NEK11: variants seen among roughly 807,000 people sequenced by gnomAD.
NEK11 encodes the protein serine/threonine-protein kinase Nek11.
In NEK11, 72 loss-of-function variants were observed where a neutral mutation model predicts 80.7. That is an observed-to-expected ratio of 0.89 (90% CI 0.74 to 1.08). The LOEUF (loss-of-function observed/expected upper bound fraction) is 1.08, where lower values mean the gene tolerates loss of function less well. NEK11 is among the 50% of genes least tolerant of loss of function. The pLI, the probability that NEK11 is intolerant of heterozygous loss-of-function variation, is 0.00. For synonymous variants in NEK11, 251 were observed against 260.7 expected (o/e 0.96, Z 0.36); for missense variants, 764 against 763.6 (o/e 1.00, Z -0.01).
chr3:131,068,240 C>G (rs1431510385), intron 3 of NEK11, among the ~76,000 whole-genome samples: 1 of 152,150 alleles, frequency 6.6e-6, no homozygotes, highest in Non-Finnish European at 1.5e-5. Flanking sequence ...CCTTGCTACT[C>G]AAAGTATGGT....
At chr3:131,066,685 T>TA (rs2072034798) in intron 3 of NEK11, among the ~76,000 whole-genome samples, 1 of 151,054 alleles carries the variant, frequency 6.6e-6, no homozygotes, top group African/African-American at 2.4e-5. Context: ...AAAAAATAAA[T>TA]ACAAAAATTA....
At chr3:131,209,506 A>C (rs549577926) in intron 14 of NEK11, among the ~76,000 whole-genome samples, 104 of 152,272 alleles carry the variant, frequency 6.8e-4, no homozygotes, top group African/African-American at 2.2e-3. Context: ...TGAGTTAGGG[A>C]GGATTCCCTC....
At chr3:131,196,411 A>C (rs964816311) in intron 14 of NEK11, among the ~76,000 whole-genome samples, 2 of 152,210 alleles carry the variant, frequency 1.3e-5, no homozygotes, top group African/African-American at 4.8e-5. Flanking sequence ...AAATAATAAA[A>C]GAAGATATTG....
chr3:131,272,241 C>T (rs1166899080), intron 16 of NEK11, among the ~76,000 whole-genome samples: 1 of 152,084 alleles, frequency 6.6e-6, no homozygotes, highest in East Asian at 1.9e-4. Context: ...ACATGAGTCT[C>T]TTCTCTCTGA....
At chr3:131,181,745 C>CAAAAAAAAAAAAAAAAAAAAAAAAAAAA (rs58463955) in intron 14 of NEK11, among the ~76,000 whole-genome samples, 1 of 83,124 alleles carries the variant, frequency 1.2e-5, no homozygotes, top group African/African-American at 5.0e-5. Context: ...GACTCCGCCT[C>CAAAAAAAAAAAAAAAAAAAAAAAAAAAA]AAAAAAAAAA....
intron 3 of NEK11, among the ~76,000 whole-genome samples, chr3:131,073,107 G>T (rs1052384441): frequency 6.6e-6 from 1 of 152,100 alleles, no homozygotes; most frequent in African/African-American, 2.4e-5. Flanking sequence ...CTCTATTCTT[G>T]CACTGACACA....
chr3:131,132,983 T>G (rs1301678049), intron 6 of NEK11, among the ~76,000 whole-genome samples, 174 bp downstream of exon 6: 3 of 152,086 alleles, frequency 2.0e-5, no homozygotes, highest in African/African-American at 7.2e-5. Context: ...TTTCTCAGGT[T>G]TCTAGATGGG....
chr3:131,157,650 A>C (rs747822928), intron 10 of NEK11, among the ~76,000 whole-genome samples: 5 of 152,304 alleles, frequency 3.3e-5, no homozygotes, highest in South Asian at 4.1e-4. Context: ...CACTCCTAAC[A>C]GATCTTCAGA....
intron 7 of NEK11, among the ~76,000 whole-genome samples, chr3:131,146,674 CTTTT>C (rs569998027): frequency 1.3e-5 from 2 of 151,418 alleles, no homozygotes; most frequent in Admixed American, 6.6e-5. Context: ...CCTAAGGAAA[CTTTT>C]TTTTTCATAG....
intron 17 of NEK11, chr3:131,329,788 G>A (rs989493539): frequency 2.0e-5 from 3 of 152,294 alleles, no homozygotes; most frequent in South Asian, 4.1e-4. Flanking sequence ...GGAGCAGGAT[G>A]TGCCTAATGC....
intron 7 of NEK11, among the ~76,000 whole-genome samples, chr3:131,144,399 T>G (rs895661129): frequency 6.6e-6 from 1 of 152,110 alleles, no homozygotes; most frequent in East Asian, 1.9e-4. Context: ...CCACCCCCAA[T>G]CTGCTTTTGT....
intron 17 of NEK11, among the ~76,000 whole-genome samples, chr3:131,348,860 G>A (rs1380122174): frequency 6.6e-6 from 1 of 152,182 alleles, no homozygotes; most frequent in East Asian, 1.9e-4. Context: ...TACAGCTGTT[G>A]TAAAGGTTAA....
chr3:131,117,712 C>T (rs1358318609), intron 5 of NEK11, among the ~76,000 whole-genome samples: 1 of 152,044 alleles, frequency 6.6e-6, no homozygotes, highest in African/African-American at 2.4e-5. Flanking sequence ...AAGTTGGATT[C>T]CTAGGTATTT....
intron 17 of NEK11, among the ~76,000 whole-genome samples, chr3:131,333,775 C>T (rs1219238669): frequency 6.6e-6 from 1 of 152,190 alleles, no homozygotes; most frequent in Non-Finnish European, 1.5e-5. Context: ...GGAGGAAGAT[C>T]TAGCAAGCAA....
At chr3:131,077,790 A>T (rs1459076337) in intron 3 of NEK11, among the ~76,000 whole-genome samples, 1 of 152,194 alleles carries the variant, frequency 6.6e-6, no homozygotes, top group Admixed American at 6.5e-5. Context: ...AGTGTCTTGT[A>T]TGTCATTTCT....
At chr3:131,298,929 T>C (rs1048291004) in intron 17 of NEK11, among the ~76,000 whole-genome samples, 12 of 151,528 alleles carry the variant, frequency 7.9e-5, no homozygotes, top group Non-Finnish European at 1.6e-4. Context: ...CTCTTCTGTT[T>C]TTTTTTTTTT....
chr3:131,069,365 A>G (rs10512797), intron 3 of NEK11, among the ~76,000 whole-genome samples: 24,515 of 152,138 alleles, frequency 0.16, 2,001 homozygotes, highest in Non-Finnish European at 0.17. Flanking sequence ...AATATTCAAA[A>G]TACAAACCTG....
chr3:131,345,136 C>G (rs2097342862), intron 17 of NEK11, among the ~76,000 whole-genome samples: 1 of 151,494 alleles, frequency 6.6e-6, no homozygotes, highest in African/African-American at 2.4e-5. Flanking sequence ...TAATTTTTTT[C>G]TATGTTTTTT....
At chr3:131,030,144 C>A (rs2064580794) in intron 3 of NEK11, among the ~76,000 whole-genome samples, 1 of 151,802 alleles carries the variant, frequency 6.6e-6, no homozygotes. Flanking sequence ...GAGGTTGAGG[C>A]ACAAGAATTG....
Sources: allele counts gnomAD v4.1 joint callset (sites outside exome capture counted in the v4.1 genomes callset), GRCh38; gene constraint gnomAD v4.1.1; transcripts MANE v1.5; gene names NCBI Gene and HGNC (gene_info 2026-07-23, HGNC 2026-07-21).